The following CNOT6L variants were observed in gnomAD, a reference collection of about 807,000 sequenced individuals.
CNOT6L encodes the protein CCR4-NOT transcription complex subunit 6-like.
In CNOT6L, 7 loss-of-function variants were observed where a neutral mutation model predicts 64.0. The ratio of observed to expected loss-of-function variants is 0.11; its 90% CI spans 0.06 to 0.21. The LOEUF is 0.21. CNOT6L is among the 10% of genes least tolerant of loss of function. The pLI is 1.00. For missense variants in CNOT6L, 245 were observed against 669.0 expected, an observed-to-expected ratio of 0.37 and a Z score of 6.99; for synonymous variants, 193 against 243.4, an observed-to-expected ratio of 0.79 and a Z score of 1.93.
At chr4:77,725,471 C>A (rs1382774783) in intron 11 of CNOT6L, among the ~76,000 whole-genome samples, 1 of 152,142 alleles carries the variant, frequency 6.6e-6, no homozygotes, top group Non-Finnish European at 1.5e-5. Flanking sequence ...AGAAAACTAG[C>A]ACTGGGAAAG....
rs1722166340 is a variant in CNOT6L at position 77,729,060 on chromosome 4, G to A, written c.1046C>T (p.Ala349Val). 3 of 1,612,238 alleles carry A rather than the reference G, an allele frequency of 1.9e-6. No homozygotes were observed. The highest frequency in any genetic ancestry group is 1.1e-5 in the South Asian group (1 of 91,050). ...TGCCACTATAAGCAGCTGTTTGTCT[G>A]CAGCATGAATAGGCTTCATACCTAA... is the stretch of plus-strand genomic sequence containing the variant. The part of the protein sequence containing the change: ...FGAGMKPIHA[A>V]DKQLLIVANA... The change falls in exon 10 of 12, where the codon GCA becomes GTA. Residue 349 changes from alanine to valine, a missense_variant. This residue lies in a region of CNOT6L where 94 missense variants were observed against 290.9 expected (regional missense o/e 0.32). Transcript: ENST00000504123.
rs1212919941 is a variant in CNOT6L at position 77,716,958 on chromosome 4, T to C, written c.*3473A>G. ...TTGTGCCATACCTGACTTCAACATG[T>C]GATATTCAAACGAATGTTCACACGC... On this transcript the variant is annotated 3_prime_UTR_variant, in exon 12 of 12. Coordinates refer to ENST00000504123, the MANE Select transcript of CNOT6L (RefSeq NM_144571.3). 6.6e-6 allele frequency: 1 copy of C among 152,522 alleles called. No homozygotes were observed. The highest frequency in any genetic ancestry group is 1.5e-5 in the Non-Finnish European group (1 of 68,014). The allele number at this position is 152,522 out of a possible 1,614,324, so 9.4% of individuals were successfully genotyped here.
At chr4:77,750,544 G>A (rs1176160078) in intron 5 of CNOT6L, among the ~76,000 whole-genome samples, 2 of 152,004 alleles carry the variant, frequency 1.3e-5, no homozygotes, top group African/African-American at 2.4e-5. Flanking sequence ...CAGTAGAGAC[G>A]TGGTTTCACC....
intron 8 of CNOT6L, among the ~76,000 whole-genome samples, chr4:77,740,927 C>A (rs955159787): frequency 2.6e-5 from 4 of 151,932 alleles, no homozygotes; most frequent in African/African-American, 9.7e-5. Flanking sequence ...AGCCTGGGAA[C>A]AACAGGCTAT....
At chr4:77,788,585 G>A (rs963257583) in intron 1 of CNOT6L, among the ~76,000 whole-genome samples, 2 of 152,038 alleles carry the variant, frequency 1.3e-5, no homozygotes, top group Admixed American at 6.6e-5. Flanking sequence ...AAAATTAGCC[G>A]GACGTGGTGG....
At chr4:77,778,907 C>T (rs1728479893) in intron 1 of CNOT6L, among the ~76,000 whole-genome samples, 1 of 151,296 alleles carries the variant, frequency 6.6e-6, no homozygotes. Context: ...ATTAGCGGGG[C>T]GTGGTGGCGG....
intron 1 of CNOT6L, among the ~76,000 whole-genome samples, chr4:77,782,745 G>C (rs745565262): frequency 6.6e-6 from 1 of 151,240 alleles, no homozygotes. Context: ...CTCCCAAGTA[G>C]CTAGGACTAC....
chr4:77,800,524 T>TA (rs1304700020), intron 1 of CNOT6L, among the ~76,000 whole-genome samples: 3 of 151,402 alleles, frequency 2.0e-5, no homozygotes, highest in South Asian at 2.1e-4. Flanking sequence ...AAAAAAAAAT[T>TA]AAAAAAAATA....
At chr4:77,784,079 C>A (rs892213860) in intron 1 of CNOT6L, among the ~76,000 whole-genome samples, 4 of 152,020 alleles carry the variant, frequency 2.6e-5, no homozygotes, top group African/African-American at 9.7e-5. Flanking sequence ...CCAGAGATAA[C>A]TTACAGGAAG....
chr4:77,814,311 T>C (rs538479008), intron 1 of CNOT6L, among the ~76,000 whole-genome samples: 3 of 152,308 alleles, frequency 2.0e-5, no homozygotes, highest in Non-Finnish European at 2.9e-5. Context: ...GGTTGCACAA[T>C]TGTTAATATA....
intron 1 of CNOT6L, among the ~76,000 whole-genome samples, chr4:77,806,931 C>T (rs550458953): frequency 1.7e-4 from 26 of 152,316 alleles, no homozygotes; most frequent in African/African-American, 6.3e-4. Context: ...TTAATAAACA[C>T]TTTCAAATTC....
At position 77,718,127 on chromosome 4, in the gene CNOT6L, T is replaced by C. The variant is rs1410812542; in HGVS notation, c.*2304A>G. ...TCTGTGGTTCATATACAATCATAAGTGAACTTTAAATTCCATTTTATACAA... is the reference window on the plus strand; with the variant it reads ...TCTGTGGTTCATATACAATCATAAGCGAACTTTAAATTCCATTTTATACAA... On this transcript the variant is annotated 3_prime_UTR_variant, in exon 12 of 12. Transcript: ENST00000504123. The C allele has an allele frequency of 6.6e-6, 1 of 152,520 alleles. No homozygotes were observed. Among genetic ancestry groups the C allele is most frequent in the Non-Finnish European group, 1.5e-5 (1 of 68,014 alleles). The allele number at this position is 152,520 out of a possible 1,614,324, so 9.4% of individuals were successfully genotyped here.
chr4:77,812,442 A>C (rs1266345589), intron 1 of CNOT6L, among the ~76,000 whole-genome samples: 1 of 151,458 alleles, frequency 6.6e-6, no homozygotes, highest in African/African-American at 2.4e-5. Flanking sequence ...CATCTCAAAA[A>C]AAAAAGAAAA....
rs985062106 is a variant in CNOT6L, at chr4:77,733,121, C to T, written c.873-1583G>A. ...ACCTTTTACAGTTTCTGGTGAGATT[C>T]CCACAGATAAAACAGATAAAAGCAG... On this transcript the variant is annotated intron_variant, in intron 8 of 11. Coordinates refer to ENST00000504123, the MANE Select transcript of CNOT6L (RefSeq NM_144571.3). 2.3e-4 allele frequency among the ~76,000 whole-genome samples: 35 copies of T among 152,096 alleles called. 1 individual carries two copies. The highest frequency in any genetic ancestry group is 8.4e-4 in the African/African-American group (35 of 41,510).
At chr4:77,742,438 C>CTG in intron 7 of CNOT6L, 143 bp from the exon 8 acceptor site, 2 of 809,042 alleles carry the variant, frequency 2.5e-6, no homozygotes, top group Non-Finnish European at 4.1e-6. Context: ...TACCTGATTG[C>CTG]TAGCAGCTGC....
intron 1 of CNOT6L, among the ~76,000 whole-genome samples, chr4:77,797,148 G>A (rs1730957267): frequency 1.4e-5 from 2 of 144,298 alleles, no homozygotes; most frequent in Admixed American, 1.4e-4. Context: ...ATTCACTGGG[G>A]AGGATAATCT....
chr4:77,760,895 T>A (rs894752997), intron 4 of CNOT6L, among the ~76,000 whole-genome samples: 61 of 120,926 alleles, frequency 5.0e-4, no homozygotes, highest in Admixed American at 1.2e-3. Context: ...TTTTTTTTTT[T>A]AAGGAAGAGA....
chr4:77,786,206 G>A (rs576784365), intron 1 of CNOT6L, among the ~76,000 whole-genome samples: 95 of 152,122 alleles, frequency 6.2e-4, no homozygotes, highest in Middle Eastern at 6.8e-3. Flanking sequence ...ACTTAAACCC[G>A]GGAGGCAGAG....
At chr4:77,750,356 C>T (rs1008079357) in intron 5 of CNOT6L, among the ~76,000 whole-genome samples, 2 of 151,318 alleles carry the variant, frequency 1.3e-5, no homozygotes, top group African/African-American at 4.9e-5. Context: ...CATTTAAAGT[C>T]AGTTTGTTTT....
Sources: gnomAD v4.1 joint callset for allele counts (sites outside exome capture counted in the v4.1 genomes callset) on GRCh38, gnomAD v4.1.1 for gene constraint, gnomAD v4.1.1 regional missense constraint, MANE v1.5 for transcripts, NCBI Gene and HGNC (gene_info 2026-07-23, HGNC 2026-07-21) for gene names.